Variants in PCSK6 observed in about 807,000 individuals in gnomAD.
The protein encoded by PCSK6 is paired basic amino acid cleaving enzyme 4.
In PCSK6, 85 loss-of-function variants were observed where a neutral mutation model predicts 123.3. The observed-to-expected ratio is 0.69, with a 90% CI of 0.58 to 0.83. The LOEUF is 0.83. Ranked by LOEUF, PCSK6 falls within the 40% of genes least tolerant of loss-of-function variation. The pLI is 0.00. For missense variants in PCSK6, 1,191 were observed against 1,282.3 expected (o/e 0.93, Z 1.09); for synonymous variants, 508 against 516.0 (o/e 0.98, Z 0.21).
chr15:101,428,838 A>G (rs2056347812), intron 5 of PCSK6, among the ~76,000 whole-genome samples: 1 of 152,216 alleles, frequency 6.6e-6, no homozygotes, highest in Admixed American at 6.5e-5. Flanking sequence ...TCCCGGGGTC[A>G]CAGAGCTCAA....
chr15:101,376,661 T>C (rs1403085686), intron 11 of PCSK6, among the ~76,000 whole-genome samples: 1 of 152,206 alleles, frequency 6.6e-6, no homozygotes, highest in African/African-American at 2.4e-5. Flanking sequence ...TAGAAATAAG[T>C]AGCCTTTACA....
intron 13 of PCSK6, among the ~76,000 whole-genome samples, chr15:101,353,670 C>G (rs1305026787): frequency 1.3e-5 from 2 of 152,208 alleles, no homozygotes. Flanking sequence ...AAAAATCCAA[C>G]CAGAAATATC....
intron 1 of PCSK6, among the ~76,000 whole-genome samples, chr15:101,462,313 T>G (rs1286606604): frequency 6.6e-6 from 1 of 152,218 alleles, no homozygotes; most frequent in Non-Finnish European, 1.5e-5. Flanking sequence ...AGAGATACCA[T>G]GCTCATGGAT....
chr15:101,322,207 G>A (rs939232457), intron 18 of PCSK6, among the ~76,000 whole-genome samples: 1 of 152,178 alleles, frequency 6.6e-6, no homozygotes, highest in African/African-American at 2.4e-5. Context: ...AGACAGCGAG[G>A]GGAACTGGAG....
In PCSK6 at chr15:101,386,320, G is replaced by A. The variant is rs906711447; in HGVS notation, c.1311-1895C>T. Among the ~76,000 whole-genome samples the A allele has an allele frequency of 1.1e-4, 16 of 152,126 alleles. No homozygotes were observed. In the South Asian group the frequency reaches 1.2e-3, roughly 12 times the overall value. On this transcript the variant is annotated intron_variant, in intron 9 of 21. Transcript: ENST00000611716. The stretch of plus-strand genomic sequence containing the variant: ...TGGCACCTGCTGGGATGTCACAGGC[G>A]TCTCTCCAGTGGCCCACTCTGTGTG...
intron 11 of PCSK6, among the ~76,000 whole-genome samples, chr15:101,373,200 G>T (rs1006390346): frequency 6.6e-6 from 1 of 152,154 alleles, no homozygotes; most frequent in African/African-American, 2.4e-5. Flanking sequence ...CGCCAGCCCC[G>T]CTGCTGCTGC....
At chr15:101,456,389 G>A (rs1265614505) in intron 1 of PCSK6, among the ~76,000 whole-genome samples, 1 of 152,194 alleles carries the variant, frequency 6.6e-6, no homozygotes, top group Non-Finnish European at 1.5e-5. Flanking sequence ...TTCCTCTTCT[G>A]TCTGGAACCC....
intron 1 of PCSK6, among the ~76,000 whole-genome samples, chr15:101,461,941 T>C (rs771486511): frequency 6.6e-6 from 1 of 152,200 alleles, no homozygotes; most frequent in Non-Finnish European, 1.5e-5. Flanking sequence ...ATGCTTTTAT[T>C]CATCATTATA....
At chr15:101,334,922 T>C (rs1244496122) in intron 13 of PCSK6, among the ~76,000 whole-genome samples, 1 of 152,210 alleles carries the variant, frequency 6.6e-6, no homozygotes, top group African/African-American at 2.4e-5. Flanking sequence ...TTCATTATTA[T>C]TACACTCTCT....
chr15:101,393,566 G>C, intron 7 of PCSK6, 142 bp from the exon 8 acceptor site: 1 of 632,764 alleles, frequency 1.6e-6, no homozygotes, highest in Non-Finnish European at 2.7e-6. Context: ...ATGCTGCTGA[G>C]AGCATGGTTT....
At chr15:101,314,646 TA>T (rs1441152245) in intron 19 of PCSK6, among the ~76,000 whole-genome samples, 1 of 152,174 alleles carries the variant, frequency 6.6e-6, no homozygotes, top group Non-Finnish European at 1.5e-5. Context: ...ACCACAGCCG[TA>T]AGCCTGGGAG....
chr15:101,404,209 C>T (rs887582724), intron 6 of PCSK6, among the ~76,000 whole-genome samples: 15 of 152,178 alleles, frequency 9.9e-5, no homozygotes, highest in Admixed American at 4.6e-4. Context: ...TCAAAGGAGT[C>T]GTAACAGGGG....
At position 101,325,039 on chromosome 15, in the gene PCSK6, C is replaced by T. The variant is rs771085445; in HGVS notation, c.2188G>A (p.Val730Met). The T allele has an allele frequency of 3.3e-5, 53 of 1,606,600 alleles. No individual in the cohort carries two copies. The highest frequency in any genetic ancestry group is 1.7e-4 in the Middle Eastern group (1 of 6,040). Residue 730 changes from valine (V) to methionine (M), a missense_variant, in exon 17 of 22, where the codon GTG (valine) becomes ATG (methionine). This residue lies in a region of PCSK6 where 630 missense variants were observed against 631.4 expected (regional missense o/e 1.00). Transcript: ENST00000611716. ...AAGTAGCCCAAGGGGCACACACTCA[C>T]GCACTTCCTGTAGGAGCAAAGGCAG... ...LGSVKTSRKC[V>M]SVCPLGYFGD... is the part of the protein sequence containing the mutation.
intron 1 of PCSK6, among the ~76,000 whole-genome samples, chr15:101,463,773 G>GC (rs2057392242): frequency 6.6e-6 from 1 of 152,170 alleles, no homozygotes; most frequent in Non-Finnish European, 1.5e-5. Flanking sequence ...GGTGTGGGGT[G>GC]CCCACTGGGA....
At chr15:101,386,326 C>A (rs148787938) in intron 9 of PCSK6, among the ~76,000 whole-genome samples, 20 of 152,296 alleles carry the variant, frequency 1.3e-4, no homozygotes, top group African/African-American at 4.8e-4. Context: ...AGGCGTCTCT[C>A]CAGTGGCCCA....
intron 1 of PCSK6, among the ~76,000 whole-genome samples, chr15:101,451,992 G>T (rs992605016): frequency 6.6e-6 from 1 of 152,172 alleles, no homozygotes; most frequent in African/African-American, 2.4e-5. Context: ...ATTTCTTAAA[G>T]CATTTTTTAA....
intron 12 of PCSK6, among the ~76,000 whole-genome samples, chr15:101,369,360 C>T (rs1250899824): frequency 4.6e-5 from 7 of 152,202 alleles, no homozygotes; most frequent in Non-Finnish European, 1.0e-4. Flanking sequence ...CTTCGCTAGC[C>T]CCTGTTTCTG....
chr15:101,366,946 C>T (rs1488444688), intron 12 of PCSK6, among the ~76,000 whole-genome samples: 1 of 152,238 alleles, frequency 6.6e-6, no homozygotes, highest in African/African-American at 2.4e-5. Context: ...TCTGTCCCTT[C>T]ACCTGCAGGG....
Position 101,304,546 on chromosome 15 carries a change from C to T in PCSK6, c.*712G>A, listed in dbSNP as rs532062736. 2 of 152,306 alleles carry T rather than the reference C, an allele frequency of 1.3e-5. No individual in the cohort carries two copies. Among genetic ancestry groups the T allele is most frequent in the South Asian group, 2.1e-4 (1 of 4,824 alleles). 9.4% of individuals were successfully genotyped at this position (152,306 alleles called of 1,614,324 possible). A position where few individuals can be genotyped will look rare whatever the true frequency, so the allele number is the denominator to read the frequency against. On this transcript the variant is annotated 3_prime_UTR_variant, in exon 22 of 22. Transcript: ENST00000611716. ...GGTGGTCGTTCAGGCCATGAGACTC[C>T]TGAAGACACAGACAGAACACGGTAA...
Sources: allele counts gnomAD v4.1 joint callset (sites outside exome capture counted in the v4.1 genomes callset), GRCh38; gene constraint gnomAD v4.1.1; regional missense constraint gnomAD v4.1.1; transcripts MANE v1.5; gene names NCBI Gene and HGNC (gene_info 2026-07-23, HGNC 2026-07-21).